The following DTNB variants were observed in gnomAD, a reference collection of about 807,000 sequenced individuals.
DTNB encodes the protein DTN-B.
Under a neutral mutation model 90.7 loss-of-function variants are expected in DTNB, and 63 were observed. The observed-to-expected ratio is 0.69, with a 90% CI of 0.57 to 0.86. DTNB has a LOEUF of 0.86. Among genes scored for constraint, DTNB ranks in the 40% least tolerant of loss-of-function variants. The pLI is 0.00. For missense variants in DTNB, 744 were observed against 807.1 expected (o/e 0.92, Z 0.95); for synonymous variants, 277 against 286.7 (o/e 0.97, Z 0.34).
intron 1 of DTNB, among the ~76,000 whole-genome samples, chr2:25,654,067 T>C (rs2081580824): frequency 6.6e-6 from 1 of 152,196 alleles, no homozygotes; most frequent in Non-Finnish European, 1.5e-5. Flanking sequence ...ATGCCCATTT[T>C]ACAAATGAGG....
intron 4 of DTNB, among the ~76,000 whole-genome samples, chr2:25,624,710 G>C (rs1281883794): frequency 1.3e-5 from 2 of 152,188 alleles, no homozygotes; most frequent in Admixed American, 1.3e-4. Context: ...CTCAGCTATA[G>C]AAGAGTAAGG....
chr2:25,498,730 T>G (rs2069629780), intron 9 of DTNB, among the ~76,000 whole-genome samples: 1 of 150,030 alleles, frequency 6.7e-6, no homozygotes, highest in African/African-American at 2.5e-5. Context: ...TTCTTGTGGT[T>G]CCAGCTATTC....
chr2:25,610,376 AAG>A (rs1428369309), intron 4 of DTNB, among the ~76,000 whole-genome samples: 1 of 152,084 alleles, frequency 6.6e-6, no homozygotes, highest in Admixed American at 6.5e-5. Context: ...GATCACTTTA[AAG>A]AGAGAGAGAG....
At chr2:25,441,571 C>G (rs189045670) in intron 12 of DTNB, among the ~76,000 whole-genome samples, 26 of 152,276 alleles carry the variant, frequency 1.7e-4, no homozygotes, top group Middle Eastern at 3.4e-3. Context: ...AACTCAGTAT[C>G]GTGTGTTAGG....
chr2:25,387,371 C>A lies in DTNB; in HGVS notation c.1743G>T (p.Arg581Ser), dbSNP rs763562591. Residue 581 changes from arginine to serine, a missense_variant, in exon 18 of 21, where the codon AGG becomes AGT. Coordinates refer to ENST00000406818, the MANE Select transcript of DTNB (RefSeq NM_021907.5). The surrounding 1 kb of genome is among the most constrained non-coding windows in gnomAD (Gnocchi z 4.5). Reference protein sequence around the residue: ...DVQEAFAQGTRRNLRNDLLVA... With the variant: ...DVQEAFAQGTSRNLRNDLLVA... ...CCAGCAGGTCATTGCGGAGGTTTCT[C>A]CTCGTACCTGAGGAGAGGCAGAGCA... 6.2e-7 allele frequency: 1 copy of A among 1,612,112 alleles called. No homozygotes were observed. The highest frequency in any genetic ancestry group is 2.2e-5 in the East Asian group (1 of 44,866).
chr2:25,580,843 A>T lies in DTNB; in HGVS notation c.604-17T>A. The T allele has an allele frequency of 6.3e-7, 1 of 1,597,780 alleles. No homozygotes were observed. Among genetic ancestry groups the T allele is most frequent in the South Asian group, 1.1e-5 (1 of 88,192 alleles). ...TATCTTTCTCTGTAAAGAGAAGAAA[A>T]ACAAACATACTTTAAGTTTTTTAGG... On this transcript the variant is annotated splice_polypyrimidine_tract_variant and intron_variant, in intron 6 of 20. Coordinates refer to ENST00000406818, the MANE Select transcript of DTNB (RefSeq NM_021907.5).
intron 3 of DTNB, among the ~76,000 whole-genome samples, chr2:25,635,416 C>T (rs1242132347): frequency 6.6e-6 from 1 of 152,092 alleles, no homozygotes; most frequent in African/African-American, 2.4e-5. Context: ...GATAGAGCGA[C>T]TCTGATTCAA....
chr2:25,452,519 T>C (rs1317864697), intron 11 of DTNB, among the ~76,000 whole-genome samples: 1 of 152,248 alleles, frequency 6.6e-6, no homozygotes, highest in Non-Finnish European at 1.5e-5. Context: ...GAGGTGGCTG[T>C]TGTGGCTTAC....
At chr2:25,436,389 G>A (rs776131466) in intron 12 of DTNB, among the ~76,000 whole-genome samples, 7 of 152,054 alleles carry the variant, frequency 4.6e-5, no homozygotes, top group African/African-American at 7.2e-5. Context: ...GTAGGTGGTG[G>A]CTCCCTTTTA....
At chr2:25,638,986 A>G in intron 3 of DTNB, 28 bp downstream of exon 3, 1 of 1,543,612 alleles carries the variant, frequency 6.5e-7, no homozygotes, top group East Asian at 2.3e-5. Flanking sequence ...CTATCCAGCT[A>G]TCACAGAAAT....
chr2:25,502,953 C>T (rs138119104), intron 9 of DTNB, among the ~76,000 whole-genome samples: 142 of 138,974 alleles, frequency 1.0e-3, no homozygotes, highest in African/African-American at 3.6e-3. Context: ...ACTTGGGATG[C>T]TGAAGTGGGA....
chr2:25,517,750 T>C (rs2075368632), intron 9 of DTNB, among the ~76,000 whole-genome samples: 1 of 152,186 alleles, frequency 6.6e-6, no homozygotes, highest in African/African-American at 2.4e-5. Context: ...CTATTCACAA[T>C]AGCCCAGAGG....
At chr2:25,633,779 CCGG>C (rs1386488864) in intron 3 of DTNB, among the ~76,000 whole-genome samples, 1 of 151,880 alleles carries the variant, frequency 6.6e-6, no homozygotes, top group Non-Finnish European at 1.5e-5. Flanking sequence ...GCGTCTCTGC[CCGG>C]CCGCTCATCG....
intron 6 of DTNB, among the ~76,000 whole-genome samples, chr2:25,588,691 G>C (rs140745906): frequency 1.1e-4 from 17 of 152,184 alleles, no homozygotes; most frequent in Non-Finnish European, 1.5e-4. Flanking sequence ...GACAACACAT[G>C]TAGTGCCAAA....
At chr2:25,388,850 G>A (rs1416090675) in intron 16 of DTNB, among the ~76,000 whole-genome samples, 2 of 149,626 alleles carry the variant, frequency 1.3e-5, no homozygotes, top group African/African-American at 5.0e-5. Context: ...ATTTATATAC[G>A]TATATATCTT....
At chr2:25,416,804 C>CAAGGAAGGAAG (rs2048056567) in intron 16 of DTNB, among the ~76,000 whole-genome samples, 3 of 129,962 alleles carry the variant, frequency 2.3e-5, no homozygotes, top group African/African-American at 8.4e-5. Context: ...AAGGAAGGAA[C>CAAGGAAGGAAG]GAAGGAAGGA....
chr2:25,612,666 T>C (rs982486978), intron 4 of DTNB, among the ~76,000 whole-genome samples: 2 of 151,840 alleles, frequency 1.3e-5, no homozygotes, highest in African/African-American at 2.4e-5. Flanking sequence ...TCAATAACAA[T>C]AGAAATCTCT....
At chr2:25,405,702 G>T (rs947641173) in intron 16 of DTNB, among the ~76,000 whole-genome samples, 21 of 151,728 alleles carry the variant, frequency 1.4e-4, no homozygotes, top group African/African-American at 5.1e-4. Context: ...ATAATATCTG[G>T]TTTGGCCTGG....
At chr2:25,390,499 A>C (rs1045066957) in intron 16 of DTNB, among the ~76,000 whole-genome samples, 1 of 151,430 alleles carries the variant, frequency 6.6e-6, no homozygotes, top group Admixed American at 6.6e-5. Flanking sequence ...GCTGGAGTGA[A>C]GTGGTGCGAT....
Sources: gnomAD v4.1 joint callset for allele counts (sites outside exome capture counted in the v4.1 genomes callset) on GRCh38, gnomAD v4.1.1 for gene constraint, Gnocchi (gnomAD v3.1) non-coding constraint, MANE v1.5 for transcripts, NCBI Gene and HGNC (gene_info 2026-07-23, HGNC 2026-07-21) for gene names.